The following BIRC6 variants were observed in gnomAD, a reference collection of about 807,000 sequenced individuals.
BIRC6 encodes baculoviral IAP repeat containing 6.
Under a neutral mutation model 503.3 loss-of-function variants are expected in BIRC6, and 98 were observed. That is an observed-to-expected ratio of 0.19 (90% confidence interval 0.17 to 0.23). BIRC6 has a LOEUF of 0.23. Among genes scored for constraint, BIRC6 ranks in the 10% least tolerant of loss-of-function variants. BIRC6 has a pLI of 1.00. For synonymous variants in BIRC6, 2,240 were observed against 2,078.7 expected, an observed-to-expected ratio of 1.08 and a Z score of -2.11; for missense variants, 5,360 against 5,806.0, an observed-to-expected ratio of 0.92 and a Z score of 2.50.
chr2:32,530,463 G>A (rs889889886), intron 60 of BIRC6, among the ~76,000 whole-genome samples: 78 of 152,146 alleles, frequency 5.1e-4, no homozygotes, highest in African/African-American at 1.8e-3. Flanking sequence ...TGCCCGCTTC[G>A]GCCTCACAAA....
At chr2:32,587,268 TC>T (rs1045358065) in intron 66 of BIRC6, among the ~76,000 whole-genome samples, 2 of 152,178 alleles carry the variant, frequency 1.3e-5, no homozygotes, top group Admixed American at 1.3e-4. Flanking sequence ...GCGCCTGTAG[TC>T]CCAGCTACTC....
intron 34 of BIRC6, 97 bp downstream of exon 34, chr2:32,476,441 TAACAGAGA>T: frequency 1.5e-6 from 2 of 1,317,918 alleles, no homozygotes; most frequent in Non-Finnish European, 2.0e-6. Context: ...TTACTCTGCT[TAACAGAGA>T]AGCCAACCTA....
Position 32,468,302 on chromosome 2 carries a change from TAGTACCTATCA to T in BIRC6, c.5781-131_5781-121del, listed in dbSNP as rs1003491562. ...TGATTAATTAATGGGCTCCATTTAT[TAGTACCTATCA>T]AGTGGGTAATTCTTTTTAATGGTTG... On this transcript the variant is annotated intron_variant, in intron 28 of 73. Transcript: ENST00000421745. 15 of 948,998 alleles carry T rather than the reference TAGTACCTATCA, an allele frequency of 1.6e-5. No individual in the cohort carries two copies. The East Asian group carries it at 3.9e-4, about 25-fold the overall frequency. The allele number at this position is 948,998 out of a possible 1,614,324, so 58.8% of individuals were successfully genotyped here.
intron 71 of BIRC6, among the ~76,000 whole-genome samples, chr2:32,603,448 C>T (rs530183364): frequency 1.2e-4 from 19 of 152,208 alleles, no homozygotes; most frequent in African/African-American, 4.6e-4. Flanking sequence ...GGAGAGGGGG[C>T]ACAGGTGTGT....
chr2:32,565,463 T>C (rs2059473254), intron 65 of BIRC6: 1 of 152,188 alleles, frequency 6.6e-6, no homozygotes, highest in Admixed American at 6.5e-5. Flanking sequence ...ATCTAATAAA[T>C]AGCTGTTTTC....
At chr2:32,546,172 A>G (rs2058042280) in intron 63 of BIRC6, among the ~76,000 whole-genome samples, 2 of 152,294 alleles carry the variant, frequency 1.3e-5, no homozygotes, top group African/African-American at 4.8e-5. Context: ...TAAGAATAAT[A>G]CTATAGAATG....
At position 32,401,452 on chromosome 2, in the gene BIRC6, C is replaced by T; in HGVS notation, c.1258-11C>T. The T allele has an allele frequency of 6.2e-7, 1 of 1,612,972 alleles. No individual in the cohort carries two copies. Among genetic ancestry groups the T allele is most frequent in the Non-Finnish European group, 8.5e-7 (1 of 1,179,400 alleles). On this transcript the variant is annotated splice_polypyrimidine_tract_variant and intron_variant, in intron 7 of 73. Coordinates refer to ENST00000421745, the MANE Select transcript of BIRC6 (RefSeq NM_016252.4). The stretch of plus-strand genomic sequence containing the variant: ...AGATCAGTTGTAAACTTAGGCTTTT[C>T]ATTTGTTTAGGTGCACTTAAAGTTT...
At chr2:32,404,462 G>A (rs775127196) in intron 8 of BIRC6, among the ~76,000 whole-genome samples, 13 of 151,200 alleles carry the variant, frequency 8.6e-5, no homozygotes, top group Non-Finnish European at 1.5e-5. Context: ...GGACTGACCC[G>A]TGCCACCATG....
intron 61 of BIRC6, among the ~76,000 whole-genome samples, chr2:32,532,911 T>A (rs909453529): frequency 7.2e-5 from 11 of 152,096 alleles, no homozygotes; most frequent in African/African-American, 2.7e-4. Flanking sequence ...AATACATACC[T>A]AAGAATGTGA....
chr2:32,490,263 G>A (rs2051526082), intron 43 of BIRC6, 112 bp downstream of exon 43: 1 of 955,470 alleles, frequency 1.0e-6, no homozygotes. Flanking sequence ...AAGTGGTTGA[G>A]TTGGCCAGAT....
chr2:32,436,173 A>T lies in BIRC6; in HGVS notation c.3620A>T (p.Lys1207Ile), dbSNP rs971478564. The change falls in exon 15 of 74, where the codon AAA (lysine) becomes ATA (isoleucine). Residue 1207 changes from lysine to isoleucine, a missense_variant. Lys to Ile is a moderately radical substitution (Grantham distance 102). Transcript: ENST00000421745. ...HAGMLTLTSP[K>I]LVKGMAGGKY... is the part of the protein sequence containing the mutation. The stretch of plus-strand genomic sequence containing the variant: ...GGAATGTTGACGTTAACAAGCCCCA[A>T]ACTTGTTAAAGGTGAAGTAATACAT... 3 of 1,445,534 alleles carry T rather than the reference A, an allele frequency of 2.1e-6. No homozygotes were observed. The highest frequency in any genetic ancestry group is 1.8e-4 in the Middle Eastern group (1 of 5,570). The allele number at this position is 1,445,534 out of a possible 1,614,324, so 89.5% of individuals were successfully genotyped here. A position where few individuals can be genotyped will look rare whatever the true frequency, so the allele number is the denominator to read the frequency against.
intron 9 of BIRC6, among the ~76,000 whole-genome samples, chr2:32,414,093 A>T (rs1471013751): frequency 2.6e-5 from 4 of 151,776 alleles, no homozygotes; most frequent in African/African-American, 9.7e-5. Context: ...GGAGTTTGAG[A>T]CCAGCCTGAC....
At chr2:32,526,656 A>T in intron 59 of BIRC6, 1 of 155,486 alleles carries the variant, frequency 6.4e-6, no homozygotes, top group African/African-American at 2.4e-5. Context: ...AAAGCACTCC[A>T]TGAAGCTAAA....
intron 48 of BIRC6, 35 bp from the exon 49 acceptor site, chr2:32,503,007 A>T: frequency 6.5e-7 from 1 of 1,534,726 alleles, no homozygotes; most frequent in Non-Finnish European, 8.8e-7. Context: ...ATCTGTCCTG[A>T]GATCGATTTC....
chr2:32,405,545 G>A (rs779725750), intron 8 of BIRC6, among the ~76,000 whole-genome samples: 1 of 152,128 alleles, frequency 6.6e-6, no homozygotes, highest in Non-Finnish European at 1.5e-5. Context: ...GGTGGCTTAT[G>A]TTTGTAATCC....
chr2:32,515,446 G>T lies in BIRC6; in HGVS notation c.11025G>T (p.Lys3675Asn). 6.2e-7 allele frequency: 1 copy of T among 1,613,168 alleles called. No individual in the cohort carries two copies. Among genetic ancestry groups the T allele is most frequent in the Non-Finnish European group, 8.5e-7 (1 of 1,179,856 alleles). ...ATCATGTCCCACAACAATGTAATAA[G>T]ATGCCTATCACAGCCGACCTAGTTG... Reference protein sequence around the residue: ...RRHHVPQQCNKMPITADLVAP... With the variant: ...RRHHVPQQCNNMPITADLVAP... The change falls in exon 55 of 74, where the codon AAG becomes AAT. Residue 3675 changes from lysine (K) to asparagine (N), a missense_variant. Transcript: ENST00000421745.
At chr2:32,560,405 T>C (rs1390645728) in intron 65 of BIRC6, among the ~76,000 whole-genome samples, 1 of 152,184 alleles carries the variant, frequency 6.6e-6, no homozygotes, top group African/African-American at 2.4e-5. Flanking sequence ...GAAGAGAATA[T>C]CTTCTTCTAT....
Position 32,464,588 on chromosome 2 carries a change from A to G in BIRC6, c.5021A>G (p.Asn1674Ser), listed in dbSNP as rs547327754. ...GCATCAGCAGTAGGTCCTGTTCACA[A>G]CTCTGTGCCTTCCAACCCAGTGGCT... The part of the protein sequence containing the change: ...AAASAVGPVH[N>S]SVPSNPVAAP... Residue 1674 changes from asparagine to serine, a missense_variant, in exon 25 of 74, where the codon AAC (asparagine) becomes AGC (serine). Physicochemically the swap from Asn to Ser is conservative, Grantham distance 46. Coordinates refer to ENST00000421745, the MANE Select transcript of BIRC6 (RefSeq NM_016252.4). 3.7e-6 allele frequency: 6 copies of G among 1,612,682 alleles called. No individual in the cohort carries two copies. The highest frequency in any genetic ancestry group is 2.7e-5 in the African/African-American group (2 of 74,996).
At chr2:32,573,287 T>G (rs1252792437) in intron 65 of BIRC6, among the ~76,000 whole-genome samples, 2 of 152,136 alleles carry the variant, frequency 1.3e-5, no homozygotes, top group Non-Finnish European at 2.9e-5. Flanking sequence ...AGCCTCCGCC[T>G]CTTGAGTTCA....
Sources: gnomAD v4.1 joint callset for allele counts (sites outside exome capture counted in the v4.1 genomes callset) on GRCh38, gnomAD v4.1.1 for gene constraint, MANE v1.5 for transcripts, NCBI Gene and HGNC (gene_info 2026-07-23, HGNC 2026-07-21) for gene names.